The following MACROD2 variants were observed in gnomAD, a reference collection of about 807,000 sequenced individuals.
MACROD2 encodes the protein ADP-ribose glycohydrolase MACROD2.
In MACROD2, 36 loss-of-function variants were observed where a neutral mutation model predicts 70.4. That is an observed-to-expected ratio of 0.51 (90% CI 0.39 to 0.68). The LOEUF is 0.68. Among genes scored for constraint, MACROD2 ranks in the 30% least tolerant of loss-of-function variants. The pLI is 0.00. For synonymous variants in MACROD2, 172 were observed against 178.8 expected, an observed-to-expected ratio of 0.96 and a Z score of 0.30; for missense variants, 496 against 538.4, an observed-to-expected ratio of 0.92 and a Z score of 0.78.
intron 3 of MACROD2, among the ~76,000 whole-genome samples, chr20:14,449,849 T>A (rs531661404): frequency 3.5e-4 from 54 of 152,196 alleles, no homozygotes; most frequent in African/African-American, 1.2e-3. Context: ...TATGTTCTTA[T>A]TAGCAACACT....
chr20:15,066,070 C>T (rs1450781595), intron 5 of MACROD2, among the ~76,000 whole-genome samples: 2 of 150,998 alleles, frequency 1.3e-5, no homozygotes, highest in African/African-American at 4.9e-5. Flanking sequence ...TGTTAGAGGT[C>T]GGAAGCTCCC....
At chr20:15,820,150 A>AT (rs2063923591) in intron 8 of MACROD2, among the ~76,000 whole-genome samples, 1 of 152,072 alleles carries the variant, frequency 6.6e-6, no homozygotes, top group African/African-American at 2.4e-5. Flanking sequence ...AAGTCTTTCC[A>AT]TTAGCCATCC....
At chr20:14,082,177 CTTTTTTT>C (rs66918191) in intron 2 of MACROD2, among the ~76,000 whole-genome samples, 155 of 93,208 alleles carry the variant, frequency 1.7e-3, no homozygotes, top group Middle Eastern at 0.018. Flanking sequence ...CTTTTTTTTT[CTTTTTTT>C]TTTTTTTTTT....
At chr20:15,204,110 T>C (rs759824683) in intron 5 of MACROD2, among the ~76,000 whole-genome samples, 8 of 152,084 alleles carry the variant, frequency 5.3e-5, no homozygotes, top group Non-Finnish European at 1.0e-4. Flanking sequence ...AATTTTTTGG[T>C]GGGGGTCACT....
intron 5 of MACROD2, among the ~76,000 whole-genome samples, chr20:15,165,739 A>G (rs1034900726): frequency 6.6e-6 from 1 of 152,224 alleles, no homozygotes; most frequent in Non-Finnish European, 1.5e-5. Flanking sequence ...AGAGGCCAAT[A>G]TAATCTTCAT....
chr20:14,627,468 G>T (rs1389616277), intron 4 of MACROD2, among the ~76,000 whole-genome samples: 1 of 152,028 alleles, frequency 6.6e-6, no homozygotes, highest in Non-Finnish European at 1.5e-5. Flanking sequence ...TGTTGTAAGT[G>T]CCTTGTAGTT....
At chr20:15,779,099 T>TA (rs397864658) in intron 8 of MACROD2, among the ~76,000 whole-genome samples, 1 of 143,444 alleles carries the variant, frequency 7.0e-6, no homozygotes, top group Admixed American at 8.0e-5. Context: ...GCTGGTCCTC[T>TA]AACTATCATA....
intron 3 of MACROD2, among the ~76,000 whole-genome samples, chr20:14,419,681 A>T (rs2083853775): frequency 6.6e-6 from 1 of 152,228 alleles, no homozygotes; most frequent in South Asian, 2.1e-4. Context: ...TTGGAAAAAT[A>T]GAACAATTTA....
intron 6 of MACROD2, among the ~76,000 whole-genome samples, chr20:15,295,387 C>T (rs2077576772): frequency 6.6e-6 from 1 of 152,112 alleles, no homozygotes; most frequent in Admixed American, 6.5e-5. Flanking sequence ...CACAATTCTT[C>T]CTGCCTTTCC....
At chr20:15,149,337 G>A (rs559522923) in intron 5 of MACROD2, among the ~76,000 whole-genome samples, 1 of 152,154 alleles carries the variant, frequency 6.6e-6, no homozygotes, top group South Asian at 2.1e-4. Context: ...CTGGTGTGTG[G>A]CGATTAGGCC....
intron 2 of MACROD2, among the ~76,000 whole-genome samples, chr20:14,011,597 C>T (rs1165202847): frequency 3.3e-5 from 5 of 149,876 alleles, no homozygotes; most frequent in South Asian, 2.1e-4. Flanking sequence ...GGCCCGATCT[C>T]GGCTCACTGC....
chr20:14,067,609 C>T (rs554935439), intron 2 of MACROD2, among the ~76,000 whole-genome samples: 129 of 152,294 alleles, frequency 8.5e-4, no homozygotes, highest in Admixed American at 1.4e-3. Flanking sequence ...CTGAGTCATA[C>T]TGTGTATTCA....
At position 14,460,962 on chromosome 20, in the gene MACROD2, T is replaced by C. The variant is rs989424973; in HGVS notation, c.272-32517T>C. ...AAATGAGTTAGGGAGGATTCCCCCC[T>C]TTTTTTTTTATCGTTCGGAATAGTT... On this transcript the variant is annotated intron_variant, in intron 3 of 17. Transcript: ENST00000684519. Among the ~76,000 whole-genome samples the C allele has an allele frequency of 4.3e-4, 61 of 140,530 alleles. 1 individual carries two copies. Among genetic ancestry groups the C allele is most frequent in the African/African-American group, 1.3e-3 (45 of 34,592 alleles). 92.2% of individuals were successfully genotyped at this position (140,530 alleles called of 152,430 possible). A position where few individuals can be genotyped will look rare whatever the true frequency, so the allele number is the denominator to read the frequency against.
chr20:14,124,903 A>C (rs1465937655), intron 3 of MACROD2, among the ~76,000 whole-genome samples: 1 of 152,186 alleles, frequency 6.6e-6, no homozygotes, highest in African/African-American at 2.4e-5. Flanking sequence ...AACAACTCAA[A>C]TGTTCATCTT....
chr20:16,047,572 C>T (rs1259573970), intron 17 of MACROD2, among the ~76,000 whole-genome samples: 10 of 152,134 alleles, frequency 6.6e-5, no homozygotes, highest in Non-Finnish European at 1.5e-4. Context: ...GCCTGGAATC[C>T]AGACACCTTG....
chr20:15,431,419 C>T lies in MACROD2; in HGVS notation c.555C>T (p.Ile185=). 1 of 1,611,072 alleles carries T rather than the reference C, an allele frequency of 6.2e-7. No individual in the cohort carries two copies. Among genetic ancestry groups the T allele is most frequent in the South Asian group, 1.1e-5 (1 of 90,898 alleles). Residue 185 remains isoleucine, a synonymous_variant, in exon 7 of 18, where the codon ATC becomes ATT. Transcript: ENST00000684519. ...NNIRSVAFPC[I]STGIYGFPNE... ...TTTATTCACAGGCATTTCCCTGCAT[C>T]TCAACAGGCATTTATGGTAAGTGAT...
chr20:14,934,958 C>G (rs537516389), intron 5 of MACROD2: 1 of 152,200 alleles, frequency 6.6e-6, no homozygotes, highest in South Asian at 2.1e-4. Context: ...TCTTCCTCCA[C>G]TCTCCTGAGG....
intron 8 of MACROD2, among the ~76,000 whole-genome samples, chr20:15,850,074 A>G (rs998035816): frequency 6.6e-6 from 1 of 152,298 alleles, no homozygotes; most frequent in African/African-American, 2.4e-5. Context: ...GATGAAGTGG[A>G]TATCTGACCA....
chr20:14,248,360 G>C (rs534532718), intron 3 of MACROD2, among the ~76,000 whole-genome samples: 15 of 152,256 alleles, frequency 9.9e-5, no homozygotes, highest in African/African-American at 3.6e-4. Context: ...GAGGCAGGTG[G>C]ATCACCTGAG....
Sources: allele counts gnomAD v4.1 joint callset (sites outside exome capture counted in the v4.1 genomes callset), GRCh38; gene constraint gnomAD v4.1.1; transcripts MANE v1.5; gene names NCBI Gene and HGNC (gene_info 2026-07-23, HGNC 2026-07-21).